Variants in TMEM184C observed in about 807,000 individuals in gnomAD.
TMEM184C encodes the protein transmembrane protein 184C.
In TMEM184C, 25 loss-of-function variants were observed where a neutral mutation model predicts 54.5. The observed-to-expected ratio is 0.46, with a 90% CI of 0.33 to 0.64. The LOEUF (loss-of-function observed/expected upper bound fraction) is 0.64. Ranked by LOEUF, TMEM184C falls within the 30% of genes least tolerant of loss-of-function variation. TMEM184C has a pLI of 0.02. For synonymous variants in TMEM184C, 148 were observed against 181.5 expected (o/e 0.82, Z 1.49); for missense variants, 335 against 520.3 (o/e 0.64, Z 3.46).
chr4:147,621,249 A>C (rs1461897439), intron 1 of TMEM184C, among the ~76,000 whole-genome samples: 2 of 152,114 alleles, frequency 1.3e-5, no homozygotes, highest in African/African-American at 4.8e-5. Flanking sequence ...GACCTGGCCC[A>C]GAAAGCACTC....
At chr4:147,626,641 A>C (rs1420509960) in intron 4 of TMEM184C, among the ~76,000 whole-genome samples, 1 of 152,230 alleles carries the variant, frequency 6.6e-6, no homozygotes, top group African/African-American at 2.4e-5. Flanking sequence ...TAAGCTACTA[A>C]TGTGTTCATT....
intron 1 of TMEM184C, 24 bp from the exon 2 acceptor site, chr4:147,623,810 T>G (rs765442696): frequency 1.9e-6 from 3 of 1,610,714 alleles, no homozygotes; most frequent in Non-Finnish European, 2.5e-6. Flanking sequence ...GAATTTATAT[T>G]AACATGTTAT....
intron 8 of TMEM184C, 70 bp downstream of exon 8, chr4:147,633,072 A>T: frequency 7.7e-7 from 1 of 1,294,640 alleles, no homozygotes; most frequent in Non-Finnish European, 1.1e-6. Flanking sequence ...ATCTCCACTA[A>T]ACCTGACAAC....
At chr4:147,623,419 A>G (rs1345933263) in intron 1 of TMEM184C, among the ~76,000 whole-genome samples, 2 of 151,536 alleles carry the variant, frequency 1.3e-5, no homozygotes, top group Admixed American at 1.3e-4. Context: ...TGGGCAACAG[A>G]GCAAAACTGT....
At chr4:147,628,296 C>T in intron 4 of TMEM184C, 65 bp from the exon 5 acceptor site, 1 of 1,308,148 alleles carries the variant, frequency 7.6e-7, no homozygotes, top group East Asian at 2.3e-5. Context: ...AATTTGGAGG[C>T]TTTGGGGAAA....
Position 147,628,356 on chromosome 4 carries a change from T to C in TMEM184C, c.498-5T>C. ...TTGAAATTCTAAGTTCTTTTTCTTTTGCAGAGTATTGCTGTTTAGGTGCAA... is the reference window on the plus strand; with the variant it reads ...TTGAAATTCTAAGTTCTTTTTCTTTCGCAGAGTATTGCTGTTTAGGTGCAA... On this transcript the variant is annotated splice_polypyrimidine_tract_variant and splice_region_variant and intron_variant, in intron 4 of 9. Coordinates refer to ENST00000296582, the MANE Select transcript of TMEM184C (RefSeq NM_018241.3). The C allele has an allele frequency of 6.2e-7, 1 of 1,603,030 alleles. No individual in the cohort carries two copies. Among genetic ancestry groups the C allele is most frequent in the Non-Finnish European group, 8.5e-7 (1 of 1,177,076 alleles).
At chr4:147,628,586 T>A in intron 5 of TMEM184C, 151 bp downstream of exon 5, 1 of 644,586 alleles carries the variant, frequency 1.6e-6, no homozygotes, top group Non-Finnish European at 2.6e-6. Context: ...CTCACTCTAT[T>A]AAAATAAATA....
intron 1 of TMEM184C, among the ~76,000 whole-genome samples, chr4:147,622,977 T>A (rs1375474591): frequency 6.6e-6 from 1 of 152,166 alleles, no homozygotes; most frequent in African/African-American, 2.4e-5. Context: ...CAGGCTGGGC[T>A]GGATGGAACC....
intron 8 of TMEM184C, 53 bp from the exon 9 acceptor site, chr4:147,633,712 C>A (rs1405122965): frequency 2.1e-6 from 3 of 1,448,774 alleles, no homozygotes; most frequent in Non-Finnish European, 2.7e-6. Context: ...TAGCACTCTA[C>A]AAACCTAGAT....
intron 1 of TMEM184C, among the ~76,000 whole-genome samples, chr4:147,623,594 C>G (rs1212204893): frequency 6.7e-6 from 1 of 149,806 alleles, no homozygotes; most frequent in Non-Finnish European, 1.5e-5. Flanking sequence ...GGCAAGATTA[C>G]AAGTTAATAT....
chr4:147,630,536 T>G (rs1044797712), intron 6 of TMEM184C, among the ~76,000 whole-genome samples: 2 of 152,092 alleles, frequency 1.3e-5, no homozygotes, highest in Non-Finnish European at 2.9e-5. Flanking sequence ...TAGGGACTAG[T>G]TGAATGCACT....
At chr4:147,622,341 A>G (rs1336953615) in intron 1 of TMEM184C, among the ~76,000 whole-genome samples, 1 of 152,212 alleles carries the variant, frequency 6.6e-6, no homozygotes, top group East Asian at 1.9e-4. Context: ...TGGTTTCAGT[A>G]ACCTGTTGTC....
chr4:147,626,655 C>G (rs2126550868), intron 4 of TMEM184C, among the ~76,000 whole-genome samples: 1 of 152,232 alleles, frequency 6.6e-6, no homozygotes, highest in African/African-American at 2.4e-5. Flanking sequence ...GTTCATTTGA[C>G]AAATATATGT....
At chr4:147,629,490 G>A (rs1732872381) in intron 5 of TMEM184C, 109 bp from the exon 6 acceptor site, 1 of 732,420 alleles carries the variant, frequency 1.4e-6, no homozygotes, top group Admixed American at 3.1e-5. Context: ...TCAAGTGATT[G>A]TCAGTGAGAT....
chr4:147,628,268 A>T, intron 4 of TMEM184C, 93 bp from the exon 5 acceptor site: 1 of 919,620 alleles, frequency 1.1e-6, no homozygotes, highest in Non-Finnish European at 1.7e-6. Flanking sequence ...ATATGGTATC[A>T]TTCATCAAAG....
At position 147,634,178 on chromosome 4, in the gene TMEM184C, T is replaced by G; in HGVS notation, c.1061T>G (p.Val354Gly). 1 of 1,613,512 alleles carries G rather than the reference T, an allele frequency of 6.2e-7. No homozygotes were observed. The highest frequency in any genetic ancestry group is 8.5e-7 in the Non-Finnish European group (1 of 1,179,796). ...AAACTTTATATTAAAGGACGGACAG[T>G]CAGGGGACATCCCAGGAAAAAATTG... ...SEQVRHVGRT[V>G]RGHPRKKLFP... The change falls in exon 10 of 10, where the codon GTC (valine) becomes GGC (glycine). Residue 354 changes from valine (V) to glycine (G), a missense_variant. By Grantham distance (109) the Val-to-Gly change is moderately radical (BLOSUM62 -3). Transcript: ENST00000296582.
At chr4:147,628,127 C>G (rs1301521979) in intron 4 of TMEM184C, among the ~76,000 whole-genome samples, 1 of 152,188 alleles carries the variant, frequency 6.6e-6, no homozygotes, top group African/African-American at 2.4e-5. Flanking sequence ...CCACTGCACT[C>G]CACCCTGGGC....
Position 147,624,933 on chromosome 4 carries a change from G to C in TMEM184C, c.421G>C (p.Val141Leu). The C allele has an allele frequency of 1.2e-6, 2 of 1,613,898 alleles. No individual in the cohort carries two copies. Among genetic ancestry groups the C allele is most frequent in the Non-Finnish European group, 1.7e-6 (2 of 1,179,870 alleles). The stretch of plus-strand genomic sequence containing the variant: ...TCTAACTAACCGGTATCCAAATCTG[G>C]TATTAATCCTTGAAGCCAAAGATCA... ...NYLTNRYPNL[V>L]LILEAKDQQK... is the part of the protein sequence containing the mutation. Residue 141 changes from valine to leucine, a missense_variant, in exon 4 of 10, where the codon GTA (valine) becomes CTA (leucine). By Grantham distance (32) the Val-to-Leu change is conservative. Coordinates refer to ENST00000296582, the MANE Select transcript of TMEM184C (RefSeq NM_018241.3).
Position 147,633,904 on chromosome 4 carries a change from G to C in TMEM184C, c.1019G>C (p.Arg340Thr). Residue 340 changes from arginine to threonine, a missense_variant, in exon 9 of 10, where the codon AGA becomes ACA. Physicochemically the swap from Arg to Thr is moderately conservative, Grantham distance 71 (BLOSUM62 -1). Transcript: ENST00000296582. ...FLAMWDVSDI[R>T]DDISEQVRHV... ...GCCATGTGGGATGTCTCAGATATTAGAGATGATATTTCTGAACAAGTAAGG... is the reference window on the plus strand; with the variant it reads ...GCCATGTGGGATGTCTCAGATATTACAGATGATATTTCTGAACAAGTAAGG... 1 of 1,613,678 alleles carries C rather than the reference G, an allele frequency of 6.2e-7. No individual in the cohort carries two copies. The highest frequency in any genetic ancestry group is 8.5e-7 in the Non-Finnish European group (1 of 1,179,924).
Sources: allele counts gnomAD v4.1 joint callset (sites outside exome capture counted in the v4.1 genomes callset), GRCh38; gene constraint gnomAD v4.1.1; transcripts MANE v1.5; gene names NCBI Gene and HGNC (gene_info 2026-07-23, HGNC 2026-07-21).